MAGI2: variants seen among roughly 807,000 people sequenced by gnomAD.
MAGI2 encodes membrane associated guanylate kinase, WW and PDZ domain containing 2.
Under a neutral mutation model 133.3 loss-of-function variants are expected in MAGI2, and 35 were observed. The observed-to-expected ratio is 0.26, with a 90% CI of 0.20 to 0.35. MAGI2 has a LOEUF of 0.35. Ranked by LOEUF, MAGI2 falls within the 10% of genes least tolerant of loss-of-function variation. The pLI is 1.00. For missense variants in MAGI2, 1,636 were observed against 1,863.4 expected, an observed-to-expected ratio of 0.88 and a Z score of 2.25; for synonymous variants, 729 against 710.6, an observed-to-expected ratio of 1.03 and a Z score of -0.41.
intron 9 of MAGI2, among the ~76,000 whole-genome samples, chr7:78,287,118 T>C (rs1796222732): frequency 6.6e-6 from 1 of 152,170 alleles, no homozygotes; most frequent in Non-Finnish European, 1.5e-5. Context: ...TTTTAAAAGA[T>C]AATTCTGGAG....
At chr7:78,040,559 A>T (rs1036675816) in intron 21 of MAGI2, among the ~76,000 whole-genome samples, 41 of 152,278 alleles carry the variant, frequency 2.7e-4, no homozygotes, top group Admixed American at 2.6e-3. Context: ...TCGACTGGGA[A>T]TGAGGGGATC....
chr7:79,057,323 A>G (rs1204090779), intron 1 of MAGI2, among the ~76,000 whole-genome samples: 2 of 152,148 alleles, frequency 1.3e-5, no homozygotes, highest in Admixed American at 6.5e-5. Context: ...TAAAACACTG[A>G]CCAAGGTCTC....
chr7:79,107,750 C>T (rs776510693), intron 1 of MAGI2, among the ~76,000 whole-genome samples: 45 of 152,326 alleles, frequency 3.0e-4, no homozygotes, highest in Non-Finnish European at 4.1e-4. Context: ...ATCATCCTCT[C>T]TATCTGGAAA....
chr7:78,421,260 T>A (rs781612081), intron 6 of MAGI2, among the ~76,000 whole-genome samples: 7 of 152,192 alleles, frequency 4.6e-5, no homozygotes, highest in Non-Finnish European at 1.0e-4. Context: ...ACAGGGTCAG[T>A]GCCACTGAAC....
chr7:79,237,420 G>C (rs1196536759), intron 1 of MAGI2, among the ~76,000 whole-genome samples: 1 of 152,192 alleles, frequency 6.6e-6, no homozygotes. Flanking sequence ...ATGAACCCGG[G>C]AGGTGGAGCT....
intron 1 of MAGI2, among the ~76,000 whole-genome samples, chr7:79,210,976 G>A (rs1486949277): frequency 1.3e-5 from 2 of 152,074 alleles, no homozygotes; most frequent in African/African-American, 4.8e-5. Context: ...TGTTCATTAT[G>A]TATGTATGCA....
chr7:78,808,563 T>A (rs1013713630), intron 2 of MAGI2, among the ~76,000 whole-genome samples: 4 of 152,158 alleles, frequency 2.6e-5, no homozygotes, highest in Admixed American at 2.6e-4. Flanking sequence ...GCCTCAGCTG[T>A]ATTTTCATGG....
At chr7:78,763,052 C>T (rs903853989) in intron 2 of MAGI2, among the ~76,000 whole-genome samples, 1 of 152,182 alleles carries the variant, frequency 6.6e-6, no homozygotes. Context: ...AAATGAACAA[C>T]TGATAACTTT....
intron 21 of MAGI2, among the ~76,000 whole-genome samples, chr7:78,058,128 T>A (rs1369246937): frequency 6.6e-6 from 1 of 151,696 alleles, no homozygotes; most frequent in African/African-American, 2.4e-5. Flanking sequence ...GGTACTATGC[T>A]AACATCAAAC....
At chr7:78,787,556 A>G (rs747610606) in intron 2 of MAGI2, among the ~76,000 whole-genome samples, 1 of 152,232 alleles carries the variant, frequency 6.6e-6, no homozygotes, top group Non-Finnish European at 1.5e-5. Context: ...GAGTTTAGCC[A>G]GGATGAAATA....
chr7:78,193,670 G>C (rs79748469), intron 12 of MAGI2, among the ~76,000 whole-genome samples: 2,835 of 151,982 alleles, frequency 0.019, 81 homozygotes, highest in African/African-American at 0.065. Context: ...ACATTCTAAT[G>C]ATACAACCTA....
At chr7:78,095,684 G>A (rs868840794) in intron 20 of MAGI2, among the ~76,000 whole-genome samples, 1 of 152,164 alleles carries the variant, frequency 6.6e-6, no homozygotes, top group Non-Finnish European at 1.5e-5. Context: ...GAATGGGGTG[G>A]GATGGAGAGA....
At chr7:78,850,896 A>C (rs1239667279) in intron 2 of MAGI2, among the ~76,000 whole-genome samples, 1 of 151,920 alleles carries the variant, frequency 6.6e-6, no homozygotes, top group Non-Finnish European at 1.5e-5. Context: ...TAGAACTTTA[A>C]TTAATTTTTC....
intron 2 of MAGI2, among the ~76,000 whole-genome samples, chr7:78,646,107 G>A (rs954203621): frequency 2.6e-5 from 4 of 152,260 alleles, no homozygotes; most frequent in Non-Finnish European, 2.9e-5. Context: ...ATTGCTGGAG[G>A]ATGAAAGAGG....
intron 3 of MAGI2, among the ~76,000 whole-genome samples, chr7:78,591,197 A>T (rs909824527): frequency 6.6e-6 from 1 of 152,218 alleles, no homozygotes; most frequent in Non-Finnish European, 1.5e-5. Context: ...GAGATTTTAC[A>T]TGATTATCAA....
chr7:79,297,283 C>T (rs577625522), intron 1 of MAGI2, among the ~76,000 whole-genome samples: 25 of 152,204 alleles, frequency 1.6e-4, no homozygotes, highest in African/African-American at 5.5e-4. Context: ...TATTAAAATA[C>T]TAGAGATGCC....
chr7:79,396,969 A>C (rs1023280866), intron 1 of MAGI2, among the ~76,000 whole-genome samples: 1 of 151,924 alleles, frequency 6.6e-6, no homozygotes, highest in African/African-American at 2.4e-5. Flanking sequence ...AGAGAGATAA[A>C]AATTAGGATG....
chr7:78,423,284 T>C (rs1463802808), intron 6 of MAGI2, among the ~76,000 whole-genome samples: 1 of 151,572 alleles, frequency 6.6e-6, no homozygotes, highest in African/African-American at 2.4e-5. Flanking sequence ...AGCTCTCTCT[T>C]TGCCTGACGC....
At chr7:79,051,107 T>G (rs1213661649) in intron 1 of MAGI2, among the ~76,000 whole-genome samples, 2 of 152,226 alleles carry the variant, frequency 1.3e-5, no homozygotes, top group Non-Finnish European at 2.9e-5. Context: ...CCAAGTAGTT[T>G]GATCCTCATT....
Sources: gnomAD v4.1 joint callset for allele counts (sites outside exome capture counted in the v4.1 genomes callset) on GRCh38, gnomAD v4.1.1 for gene constraint, MANE v1.5 for transcripts, NCBI Gene and HGNC (gene_info 2026-07-23, HGNC 2026-07-21) for gene names.